BMERB1: variants seen among roughly 807,000 people sequenced by gnomAD.
BMERB1 encodes the protein bMERB domain containing 1, also known as bMERB domain-containing protein 1.
In BMERB1, 12 loss-of-function variants were observed where a neutral mutation model predicts 23.6. The observed-to-expected ratio is 0.51, with a 90% confidence interval of 0.33 to 0.82. The LOEUF is 0.82. BMERB1 is among the 40% of genes least tolerant of loss of function. The pLI, the probability that BMERB1 is intolerant of heterozygous loss-of-function variation, is 0.03. For synonymous variants in BMERB1, 122 were observed against 96.6 expected (o/e 1.26, Z -1.54); for missense variants, 247 against 255.4 (o/e 0.97, Z 0.22).
chr16:15,584,480 C>T (rs1199463549), intron 5 of BMERB1, among the ~76,000 whole-genome samples: 1 of 150,470 alleles, frequency 6.6e-6, no homozygotes, highest in Non-Finnish European at 1.5e-5. Flanking sequence ...ATGGCGTGAA[C>T]TGGGGAGGCG....
chr16:15,569,123 G>A (rs1280177545), intron 3 of BMERB1, among the ~76,000 whole-genome samples: 1 of 152,118 alleles, frequency 6.6e-6, no homozygotes, highest in African/African-American at 2.4e-5. Flanking sequence ...GGCTGAGGTG[G>A]GAGAATTGCT....
At chr16:15,482,429 A>G (rs572768523) in intron 1 of BMERB1, among the ~76,000 whole-genome samples, 7 of 152,324 alleles carry the variant, frequency 4.6e-5, no homozygotes, top group Non-Finnish European at 8.8e-5. Context: ...AGTGGCCACC[A>G]GAACCATCCA....
At chr16:15,519,533 G>A (rs1567481675) in intron 2 of BMERB1, among the ~76,000 whole-genome samples, 1 of 152,130 alleles carries the variant, frequency 6.6e-6, no homozygotes, top group African/African-American at 2.4e-5. Context: ...TGAGACTACA[G>A]GTGCCCACCA....
At chr16:15,559,522 A>AT (rs1195354254) in intron 2 of BMERB1, among the ~76,000 whole-genome samples, 3 of 152,242 alleles carry the variant, frequency 2.0e-5, no homozygotes, top group African/African-American at 7.2e-5. Context: ...CATCTGTAAA[A>AT]TAGAGCTAAA....
intron 2 of BMERB1, among the ~76,000 whole-genome samples, chr16:15,552,433 C>A (rs1369181808): frequency 6.6e-6 from 1 of 151,224 alleles, no homozygotes; most frequent in East Asian, 1.9e-4. Flanking sequence ...GAACGAGACT[C>A]CATCTCAAAA....
intron 2 of BMERB1, among the ~76,000 whole-genome samples, chr16:15,557,768 T>C (rs1458748603): frequency 1.3e-5 from 2 of 152,162 alleles, no homozygotes; most frequent in Non-Finnish European, 2.9e-5. Context: ...TACTTGAGGC[T>C]GGACACAGTG....
rs1006534987 is a variant in BMERB1 at position 15,517,820 on chromosome 16, G to A, written c.230+2392G>A. Among the ~76,000 whole-genome samples, 70 of 149,890 alleles carry A rather than the reference G, an allele frequency of 4.7e-4. 1 individual carries two copies. The highest frequency in any genetic ancestry group is 8.8e-4 in the Non-Finnish European group (59 of 67,316). ...TGTGTGGGGGTGTTCGTATGTGGGT[G>A]TCTGGATGTGTGTGTATATGTGTAT... On this transcript the variant is annotated intron_variant, in intron 2 of 5. Transcript: ENST00000300006.
At chr16:15,501,469 T>TTTGTTGTTC (rs553780066) in intron 1 of BMERB1, among the ~76,000 whole-genome samples, 509 of 151,832 alleles carry the variant, frequency 3.4e-3, no homozygotes, top group African/African-American at 0.012. Flanking sequence ...ATTTTTTTTG[T>TTTGTTGTTC]TTGTTGTTCT....
intron 1 of BMERB1, among the ~76,000 whole-genome samples, chr16:15,483,397 T>C (rs1488187719): frequency 7.2e-5 from 11 of 152,196 alleles, no homozygotes; most frequent in Admixed American, 7.2e-4. Flanking sequence ...TATTTATTTT[T>C]GAGACAGAGT....
Position 15,520,849 on chromosome 16 carries a change from C to G in BMERB1, c.230+5421C>G, listed in dbSNP as rs2051844355. On this transcript the variant is annotated intron_variant, in intron 2 of 5. Coordinates refer to ENST00000300006, the MANE Select transcript of BMERB1 (RefSeq NM_033201.3). ...TTCTGATCTTAAAGCTTGAAGCCCT[C>G]ATTTGTCTTATCTGAGTTATTTCCT... is the stretch of plus-strand genomic sequence containing the variant. Among the ~76,000 whole-genome samples the G allele has an allele frequency of 2.0e-5, 3 of 152,266 alleles. No homozygotes were observed. In the South Asian group the frequency reaches 6.2e-4, roughly 32 times the overall value.
At chr16:15,521,501 G>A (rs1476826643) in intron 2 of BMERB1, among the ~76,000 whole-genome samples, 1 of 152,126 alleles carries the variant, frequency 6.6e-6, no homozygotes, top group Non-Finnish European at 1.5e-5. Flanking sequence ...AGATGCATCA[G>A]GAACCACCCC....
At chr16:15,577,504 G>A (rs1472294114) in intron 3 of BMERB1, among the ~76,000 whole-genome samples, 1 of 152,222 alleles carries the variant, frequency 6.6e-6, no homozygotes, top group Non-Finnish European at 1.5e-5. Flanking sequence ...AAGTTTTAGA[G>A]AAGGAGCAAA....
chr16:15,450,279 T>C (rs2051030390), intron 1 of BMERB1, among the ~76,000 whole-genome samples: 1 of 152,114 alleles, frequency 6.6e-6, no homozygotes, highest in Non-Finnish European at 1.5e-5. Flanking sequence ...ATATTATTAT[T>C]CTTTTGATGT....
chr16:15,468,933 G>C (rs1212095878), intron 1 of BMERB1, among the ~76,000 whole-genome samples: 1 of 150,434 alleles, frequency 6.6e-6, no homozygotes, highest in Non-Finnish European at 1.5e-5. Context: ...TTGTTGAAAA[G>C]GCTTGACTTC....
chr16:15,445,534 TAC>T, intron 1 of BMERB1, among the ~76,000 whole-genome samples: 1 of 152,082 alleles, frequency 6.6e-6, no homozygotes, highest in South Asian at 2.1e-4. Context: ...TAGAAGGAAA[TAC>T]ATATGTGGAA....
At chr16:15,480,615 T>C (rs1383806999) in intron 1 of BMERB1, among the ~76,000 whole-genome samples, 3 of 128,572 alleles carry the variant, frequency 2.3e-5, no homozygotes, top group Non-Finnish European at 3.3e-5. Context: ...TCTTTTTTTT[T>C]TTTTTTTTTT....
At chr16:15,435,598 C>G (rs1169579325) in intron 1 of BMERB1, among the ~76,000 whole-genome samples, 1 of 152,206 alleles carries the variant, frequency 6.6e-6, no homozygotes, top group Non-Finnish European at 1.5e-5. Context: ...GCTTGCCCAC[C>G]AGGCTGGGAA....
In BMERB1 at chr16:15,553,538, G is replaced by A. The variant is rs145067266; in HGVS notation, c.231-14445G>A. 2.5e-3 allele frequency among the ~76,000 whole-genome samples: 378 copies of A among 152,312 alleles called. 4 individuals are homozygous for A. The highest frequency in any genetic ancestry group is 8.5e-3 in the African/African-American group (354 of 41,576). On this transcript the variant is annotated intron_variant, in intron 2 of 5. Coordinates refer to ENST00000300006, the MANE Select transcript of BMERB1 (RefSeq NM_033201.3). ...GTGATTACTCACCTCTGCCACTGTC[G>A]GGAAAAACAGCCACAGACAATGCTG...
intron 2 of BMERB1, among the ~76,000 whole-genome samples, chr16:15,525,889 T>C (rs1461069375): frequency 6.6e-6 from 1 of 152,134 alleles, no homozygotes; most frequent in Admixed American, 6.6e-5. Flanking sequence ...AATGAAAATA[T>C]AGGGAAATTG....
Sources: allele counts gnomAD v4.1 joint callset (sites outside exome capture counted in the v4.1 genomes callset), GRCh38; gene constraint gnomAD v4.1.1; transcripts MANE v1.5; gene names NCBI Gene and HGNC (gene_info 2026-07-23, HGNC 2026-07-21).